DGKB: variants seen among roughly 807,000 people sequenced by gnomAD.
The protein encoded by DGKB is diacylglycerol kinase beta.
In DGKB, 67 loss-of-function variants were observed where a neutral mutation model predicts 114.3. That is an observed-to-expected ratio of 0.59 (90% CI 0.48 to 0.72). DGKB has a LOEUF of 0.72. Among genes scored for constraint, DGKB ranks in the 30% least tolerant of loss-of-function variants. The probability of loss-of-function intolerance (pLI) is 0.00; values close to 1 mark genes in which losing one functional copy is unlikely to be tolerated. For missense variants in DGKB, 907 were observed against 975.2 expected, an observed-to-expected ratio of 0.93 and a Z score of 0.93; for synonymous variants, 398 against 323.1, an observed-to-expected ratio of 1.23 and a Z score of -2.49.
At chr7:14,867,186 A>G (rs746560765) in intron 1 of DGKB, among the ~76,000 whole-genome samples, 1 of 152,162 alleles carries the variant, frequency 6.6e-6, no homozygotes, top group Non-Finnish European at 1.5e-5. Flanking sequence ...TTGTCTTCTC[A>G]ATCACTGATA....
intron 20 of DGKB, among the ~76,000 whole-genome samples, chr7:14,562,877 T>C (rs1177466162): frequency 1.3e-5 from 2 of 151,968 alleles, no homozygotes; most frequent in African/African-American, 2.4e-5. Context: ...AAAGGCATGA[T>C]TGTGTTTTGA....
chr7:14,298,692 G>C (rs1487523499), intron 23 of DGKB, among the ~76,000 whole-genome samples: 1 of 152,108 alleles, frequency 6.6e-6, no homozygotes, highest in Non-Finnish European at 1.5e-5. Context: ...ATTAACAAAT[G>C]GGATCTAATT....
chr7:14,788,150 A>G (rs909181090), intron 2 of DGKB, among the ~76,000 whole-genome samples: 1 of 152,212 alleles, frequency 6.6e-6, no homozygotes, highest in African/African-American at 2.4e-5. Context: ...CTATTGAAGG[A>G]TGGGCACAAA....
intron 23 of DGKB, among the ~76,000 whole-genome samples, chr7:14,333,380 G>C (rs1376973931): frequency 6.6e-6 from 1 of 150,862 alleles, no homozygotes; most frequent in Admixed American, 6.6e-5. Flanking sequence ...AGAATGGCGT[G>C]AACCCGGGAG....
chr7:14,306,438 C>T (rs976112307), intron 23 of DGKB, among the ~76,000 whole-genome samples: 2 of 151,908 alleles, frequency 1.3e-5, no homozygotes, highest in Non-Finnish European at 2.9e-5. Flanking sequence ...AATGCTCACT[C>T]TTTTTTTCTG....
chr7:14,461,760 C>A (rs1217169387), intron 21 of DGKB, among the ~76,000 whole-genome samples: 1 of 152,112 alleles, frequency 6.6e-6, no homozygotes, highest in East Asian at 1.9e-4. Flanking sequence ...TTTTATGAGG[C>A]CAGCATCATC....
chr7:14,928,397 C>T (rs1166673718), intron 1 of DGKB, among the ~76,000 whole-genome samples: 2 of 151,898 alleles, frequency 1.3e-5, no homozygotes, highest in Non-Finnish European at 2.9e-5. Context: ...AAATATATAT[C>T]TTGTTTCCTC....
In DGKB at chr7:14,552,569, G is replaced by C. The variant is rs563168645; in HGVS notation, c.1770+21643C>G. 8.5e-5 allele frequency among the ~76,000 whole-genome samples: 13 copies of C among 152,148 alleles called. No homozygotes were observed. In the South Asian group the frequency reaches 1.7e-3, roughly 19 times the overall value. On this transcript the variant is annotated intron_variant, in intron 20 of 25. Coordinates refer to ENST00000402815, the MANE Select transcript of DGKB (RefSeq NM_001350709.2). ...ATGATACTCTCCCTATTTCATTGTT[G>C]CACATGTTGCTTGGATAAGGAATAT...
chr7:14,148,573 A>C lies in DGKB; in HGVS notation c.*558T>G, dbSNP rs1781735966. On this transcript the variant is annotated 3_prime_UTR_variant, in exon 26 of 26. Transcript: ENST00000402815. ...ATTTTTATTTCCACTCAGAAGAGTT[A>C]AGATGTTGAAGAAAAACTATGTATA... 6.6e-6 allele frequency: 1 copy of C among 152,460 alleles called. No individual in the cohort carries two copies. Among genetic ancestry groups the C allele is most frequent in the African/African-American group, 2.4e-5 (1 of 41,462 alleles). 9.4% of individuals were successfully genotyped at this position (152,460 alleles called of 1,614,324 possible). A position where few individuals can be genotyped will look rare whatever the true frequency, so the allele number is the denominator to read the frequency against.
chr7:14,448,349 G>C (rs1339458375), intron 21 of DGKB, among the ~76,000 whole-genome samples: 2 of 152,082 alleles, frequency 1.3e-5, no homozygotes, highest in Non-Finnish European at 2.9e-5. Flanking sequence ...GTAGAGATGG[G>C]TGTGGTGTTG....
chr7:14,350,706 A>G (rs753997445), intron 21 of DGKB, among the ~76,000 whole-genome samples: 43 of 151,528 alleles, frequency 2.8e-4, no homozygotes, highest in Non-Finnish European at 5.6e-4. Context: ...AAAGACTTCT[A>G]CTAGATACTG....
At chr7:14,654,683 C>T (rs778989833) in intron 13 of DGKB, among the ~76,000 whole-genome samples, 28 of 151,860 alleles carry the variant, frequency 1.8e-4, no homozygotes, top group Non-Finnish European at 3.7e-4. Flanking sequence ...AACTGACACA[C>T]AGACAAATAG....
At chr7:14,303,245 T>A (rs1803865607) in intron 23 of DGKB, among the ~76,000 whole-genome samples, 1 of 152,288 alleles carries the variant, frequency 6.6e-6, no homozygotes, top group South Asian at 2.1e-4. Flanking sequence ...ACAAGTTATT[T>A]GTAATGCTAA....
chr7:14,973,713 C>G (rs896412659), intron 1 of DGKB, among the ~76,000 whole-genome samples: 4 of 149,306 alleles, frequency 2.7e-5, no homozygotes, highest in Admixed American at 6.7e-5. Flanking sequence ...TCAAAGTGAC[C>G]ATCTCTGAGA....
chr7:14,451,229 C>G (rs143008716), intron 21 of DGKB, among the ~76,000 whole-genome samples: 4 of 152,170 alleles, frequency 2.6e-5, no homozygotes, highest in African/African-American at 4.8e-5. Context: ...AATTGGTAGA[C>G]AGAGTAAAGC....
At chr7:14,584,195 A>C (rs1037873033) in intron 17 of DGKB, among the ~76,000 whole-genome samples, 2 of 152,176 alleles carry the variant, frequency 1.3e-5, no homozygotes, top group East Asian at 3.9e-4. Flanking sequence ...ATTATTTTTA[A>C]GCACTGCATC....
At chr7:14,470,194 T>C (rs979067514) in intron 21 of DGKB, among the ~76,000 whole-genome samples, 11 of 151,906 alleles carry the variant, frequency 7.2e-5, no homozygotes, top group African/African-American at 2.7e-4. Context: ...GAAGATATGA[T>C]TCTCTTCAAA....
chr7:14,768,188 T>C (rs1321217447), intron 2 of DGKB, among the ~76,000 whole-genome samples: 1 of 151,976 alleles, frequency 6.6e-6, no homozygotes, highest in East Asian at 1.9e-4. Context: ...AACTCAGGAA[T>C]GTGTCATATT....
intron 21 of DGKB, among the ~76,000 whole-genome samples, chr7:14,388,209 G>GAA (rs71033993): frequency 7.7e-6 from 1 of 129,680 alleles, no homozygotes; most frequent in South Asian, 2.4e-4. Flanking sequence ...CCATAATTTG[G>GAA]AAAAAAAAAA....
Sources: gnomAD v4.1 joint callset for allele counts (sites outside exome capture counted in the v4.1 genomes callset) on GRCh38, gnomAD v4.1.1 for gene constraint, MANE v1.5 for transcripts, NCBI Gene and HGNC (gene_info 2026-07-23, HGNC 2026-07-21) for gene names.